Variants in PRKG1 observed in about 807,000 individuals in gnomAD.
The protein encoded by PRKG1 is cGMP-dependent protein kinase 1.
Under a neutral mutation model 88.1 loss-of-function variants are expected in PRKG1, and 35 were observed. The observed-to-expected ratio is 0.40, with a 90% CI of 0.30 to 0.53. The LOEUF is 0.53. PRKG1 is among the 20% of genes least tolerant of loss of function. The pLI is 0.59. For missense variants in PRKG1, 540 were observed against 839.8 expected, an observed-to-expected ratio of 0.64 and a Z score of 4.41; for synonymous variants, 303 against 292.5, an observed-to-expected ratio of 1.04 and a Z score of -0.37.
intron 2 of PRKG1, among the ~76,000 whole-genome samples, chr10:51,248,358 T>C (rs1161015329): frequency 6.6e-5 from 10 of 151,886 alleles, no homozygotes; most frequent in Admixed American, 6.6e-4. Flanking sequence ...ATATTGGTAA[T>C]ATTTGGGTTG....
chr10:52,262,821 C>A (rs1449760263), intron 10 of PRKG1, among the ~76,000 whole-genome samples: 1 of 151,998 alleles, frequency 6.6e-6, no homozygotes, highest in East Asian at 1.9e-4. Flanking sequence ...TATTTTAAAT[C>A]ATCTCTAGTT....
At position 52,272,393 on chromosome 10, in the gene PRKG1, C is replaced by T. The variant is rs142314590; in HGVS notation, c.1315C>T (p.Leu439=). The T allele has an allele frequency of 4.1e-5, 65 of 1,595,844 alleles. No homozygotes were observed. In the Middle Eastern group the frequency reaches 1.7e-3, roughly 41 times the overall value. The change falls in exon 12 of 18, where the codon CTG becomes TTG. Residue 439 remains leucine, a splice_region_variant and synonymous_variant. Coordinates refer to ENST00000373980, the MANE Select transcript of PRKG1 (RefSeq NM_006258.4). ...QGAHSDFIVR[L]YRTFKDSKYL... ...TGTTTTCTTGTTTGCAATTTACAGA[C>T]TGTACAGAACATTTAAGGACAGCAA... is the stretch of plus-strand genomic sequence containing the variant.
At chr10:52,102,596 AAAG>A (rs1589607639) in intron 7 of PRKG1, among the ~76,000 whole-genome samples, 9 of 142,638 alleles carry the variant, frequency 6.3e-5, no homozygotes, top group East Asian at 4.2e-4. Flanking sequence ...ATGGCAAAAA[AAAG>A]AAAAAAAAAT....
intron 1 of PRKG1, among the ~76,000 whole-genome samples, chr10:51,111,278 A>T (rs890441607): frequency 6.6e-6 from 1 of 152,062 alleles, no homozygotes; most frequent in African/African-American, 2.4e-5. Flanking sequence ...ATATTTTTAA[A>T]TTTTTTGTGT....
intron 9 of PRKG1, among the ~76,000 whole-genome samples, chr10:52,163,225 TTGTGTGTGTGTGTG>T (rs150295348): frequency 7.5e-5 from 11 of 146,814 alleles, no homozygotes; most frequent in African/African-American, 2.5e-4. Flanking sequence ...TTTCGTGTGT[TTGTGTGTGTGTGTG>T]TGTGTGTGTA....
chr10:52,033,430 C>T (rs914367883), intron 5 of PRKG1, among the ~76,000 whole-genome samples: 6 of 152,192 alleles, frequency 3.9e-5, no homozygotes, highest in African/African-American at 1.2e-4. Flanking sequence ...ACACATGTTG[C>T]TCCTGCGTGT....
At chr10:52,027,887 C>T (rs1181852572) in intron 5 of PRKG1, among the ~76,000 whole-genome samples, 1 of 152,130 alleles carries the variant, frequency 6.6e-6, no homozygotes, top group Non-Finnish European at 1.5e-5. Context: ...CTCCTGGATT[C>T]AAGTGATTCT....
At chr10:52,217,931 C>A (rs1341294691) in intron 9 of PRKG1, among the ~76,000 whole-genome samples, 1 of 152,104 alleles carries the variant, frequency 6.6e-6, no homozygotes, top group East Asian at 1.9e-4. Flanking sequence ...AAATAGCTTA[C>A]AGCTGGGAGC....
At chr10:51,844,669 C>G (rs1008737286) in intron 4 of PRKG1, among the ~76,000 whole-genome samples, 25 of 152,058 alleles carry the variant, frequency 1.6e-4, no homozygotes, top group African/African-American at 5.8e-4. Context: ...TTACTAACAG[C>G]AATAATGAAA....
In PRKG1 at chr10:51,525,256, GGGAAGGAAGGAAAAAAA is replaced by G. The variant is rs1043979895; in HGVS notation, c.592+57433_592+57449del. On this transcript the variant is annotated intron_variant, in intron 3 of 17. Coordinates refer to ENST00000373980, the MANE Select transcript of PRKG1 (RefSeq NM_006258.4). ...AAAGGGAAGGAAAGAAAAGAAGAAA[GGGAAGGAAGGAAAAAAA>G]GGAAGGAAGGAAGGAAGGAAAACCT... Among the ~76,000 whole-genome samples the G allele has an allele frequency of 1.0e-3, 155 of 150,750 alleles. 2 individuals are homozygous for G. The highest frequency in any genetic ancestry group is 3.5e-3 in the African/African-American group (145 of 40,974).
At chr10:51,276,463 C>G (rs1840120839) in intron 2 of PRKG1, among the ~76,000 whole-genome samples, 1 of 152,148 alleles carries the variant, frequency 6.6e-6, no homozygotes, top group Non-Finnish European at 1.5e-5. Flanking sequence ...GACTTATAAT[C>G]CTTTGGGTAT....
At chr10:51,557,086 G>T (rs572743673) in intron 3 of PRKG1, among the ~76,000 whole-genome samples, 2 of 151,746 alleles carry the variant, frequency 1.3e-5, no homozygotes, top group African/African-American at 2.4e-5. Context: ...ATATAAATGC[G>T]TATAGTCATG....
intron 3 of PRKG1, among the ~76,000 whole-genome samples, chr10:51,771,319 T>A (rs1194134597): frequency 6.6e-6 from 1 of 152,226 alleles, no homozygotes; most frequent in Non-Finnish European, 1.5e-5. Context: ...CTTCTATGAT[T>A]ACTTAGACTT....
intron 4 of PRKG1, among the ~76,000 whole-genome samples, chr10:51,851,417 G>A (rs1298561683): frequency 5.3e-5 from 8 of 151,910 alleles, no homozygotes; most frequent in African/African-American, 1.9e-4. Context: ...AAATGCACAG[G>A]ACAACCTCAC....
intron 4 of PRKG1, among the ~76,000 whole-genome samples, chr10:51,812,419 G>T (rs553598604): frequency 1.3e-5 from 2 of 152,258 alleles, no homozygotes; most frequent in Admixed American, 1.3e-4. Context: ...GGCATTGCAT[G>T]GGGAAGAATC....
At chr10:51,058,911 C>T (rs953117635) in intron 1 of PRKG1, among the ~76,000 whole-genome samples, 50 of 152,118 alleles carry the variant, frequency 3.3e-4, no homozygotes, top group African/African-American at 1.1e-3. Flanking sequence ...TCTATTTAAA[C>T]GACTATATTT....
At chr10:52,040,912 C>T (rs571603933) in intron 5 of PRKG1, among the ~76,000 whole-genome samples, 2 of 139,794 alleles carry the variant, frequency 1.4e-5, no homozygotes, top group Non-Finnish European at 3.0e-5. Flanking sequence ...TCTTGGCTCA[C>T]TGCAACCTCC....
intron 9 of PRKG1, among the ~76,000 whole-genome samples, chr10:52,166,168 A>G (rs1377568966): frequency 6.6e-6 from 1 of 152,176 alleles, no homozygotes; most frequent in Non-Finnish European, 1.5e-5. Flanking sequence ...TTTGGAGAAG[A>G]AGGTAGCAGG....
intron 1 of PRKG1, among the ~76,000 whole-genome samples, chr10:51,088,955 T>A (rs1844328789): frequency 6.6e-6 from 1 of 152,138 alleles, no homozygotes; most frequent in African/African-American, 2.4e-5. Flanking sequence ...ATGTTTGGTA[T>A]TGCATTTGGA....
Sources: gnomAD v4.1 joint callset for allele counts (sites outside exome capture counted in the v4.1 genomes callset) on GRCh38, gnomAD v4.1.1 for gene constraint, MANE v1.5 for transcripts, NCBI Gene and HGNC (gene_info 2026-07-23, HGNC 2026-07-21) for gene names.